STAT5A: variants seen among roughly 807,000 people sequenced by gnomAD.
STAT5A encodes the protein epididymis secretory sperm binding protein.
Under a neutral mutation model 100.2 loss-of-function variants are expected in STAT5A, and 26 were observed. That is an observed-to-expected ratio of 0.26 (90% CI 0.19 to 0.36). STAT5A has a LOEUF of 0.36. STAT5A is among the 10% of genes least tolerant of loss of function. The pLI is 1.00. For synonymous variants in STAT5A, 330 were observed against 424.3 expected, an observed-to-expected ratio of 0.78 and a Z score of 2.73; for missense variants, 634 against 1,027.5, an observed-to-expected ratio of 0.62 and a Z score of 5.24.
chr17:42,295,888 C>T, intron 5 of STAT5A, 95 bp downstream of exon 5: 1 of 1,536,722 alleles, frequency 6.5e-7, no homozygotes, highest in Admixed American at 1.9e-5. Context: ...TGTCCATCTC[C>T]TCAGCACTTT....
chr17:42,287,851 C>T (rs747783664), upstream of STAT5A: 2 of 152,192 alleles, frequency 1.3e-5, no homozygotes, highest in Non-Finnish European at 2.9e-5. Flanking sequence ...CCAGTTCCTC[C>T]GTCAGGGTTG....
In STAT5A at chr17:42,310,979, CCCT is replaced by C. The variant is rs1332381842; in HGVS notation, c.*312_*314del. ...GCAGCCAGACCTATTCCTCCTGGGC[CCCT>C]CATCTGCTCAGCAGCTATTTGAATG... On this transcript the variant is annotated 3_prime_UTR_variant, in exon 19 of 19. Coordinates refer to ENST00000590949, the MANE Select transcript of STAT5A (RefSeq NM_001288718.2). The C allele has an allele frequency of 2.2e-5, 8 of 370,862 alleles. No homozygotes were observed. In the East Asian group the frequency reaches 3.4e-4, roughly 16 times the overall value. The allele number at this position is 370,862 out of a possible 1,614,324, so 23.0% of individuals were successfully genotyped here.
In STAT5A at chr17:42,308,575, G is replaced by A; in HGVS notation, c.2062+242G>A. On this transcript the variant is annotated intron_variant, in intron 16 of 18. Coordinates refer to ENST00000590949, the MANE Select transcript of STAT5A (RefSeq NM_001288718.2). The surrounding 1 kb of genome is among the most constrained non-coding windows in gnomAD (Gnocchi z 4.6). ...GAAAGCTGCATGGATTCTCACTTCTGCACCCTCGGAGGAAGGGGTGGCAGC... is the reference window on the plus strand; with the variant it reads ...GAAAGCTGCATGGATTCTCACTTCTACACCCTCGGAGGAAGGGGTGGCAGC... 5 of 581,380 alleles carry A rather than the reference G, an allele frequency of 8.6e-6. No homozygotes were observed. The African/African-American group carries it at 9.3e-5, about 11-fold the overall frequency. 36.0% of individuals were successfully genotyped at this position (581,380 alleles called of 1,614,324 possible).
chr17:42,308,137 G>C lies in STAT5A; in HGVS notation c.1907-41G>C. The C allele has an allele frequency of 6.2e-7, 1 of 1,605,526 alleles. No homozygotes were observed. On this transcript the variant is annotated intron_variant, in intron 15 of 18. Transcript: ENST00000590949. The surrounding 1 kb of genome is among the most constrained non-coding windows in gnomAD (Gnocchi z 4.6). ...AAAGCCCCACAACCTTGGTCCTCCT[G>C]CTGCTGGTGGATTATGGGAATGAGG...
intron 11 of STAT5A, among the ~76,000 whole-genome samples, chr17:42,305,300 C>T (rs949106981): frequency 2.6e-5 from 4 of 151,904 alleles, no homozygotes; most frequent in African/African-American, 7.3e-5. Flanking sequence ...GTCAGGGGTT[C>T]GAGATCAACC....
chr17:42,289,248 A>G (rs1598352397), intron 1 of STAT5A, 154 bp from the exon 2 acceptor site: 1 of 841,018 alleles, frequency 1.2e-6, no homozygotes, highest in Non-Finnish European at 1.7e-6. Flanking sequence ...TCCACTCCTC[A>G]CCATCTCTGT....
At chr17:42,297,331 C>T (rs906692568) in intron 5 of STAT5A, among the ~76,000 whole-genome samples, 8 of 152,178 alleles carry the variant, frequency 5.3e-5, no homozygotes, top group African/African-American at 9.7e-5. Flanking sequence ...AGAATGGAAA[C>T]GGAAGATTTT....
intron 9 of STAT5A, among the ~76,000 whole-genome samples, chr17:42,303,054 T>C (rs889591677): frequency 6.6e-6 from 1 of 151,618 alleles, no homozygotes; most frequent in Non-Finnish European, 1.5e-5. Flanking sequence ...GAGACCAGCC[T>C]GGCCAACATG....
intron 9 of STAT5A, among the ~76,000 whole-genome samples, chr17:42,302,763 G>A (rs1457337811): frequency 2.0e-5 from 3 of 151,916 alleles, no homozygotes; most frequent in East Asian, 3.9e-4. Flanking sequence ...GTGAAACCCT[G>A]TCTCTACTAA....
intron 18 of STAT5A, 55 bp downstream of exon 18, chr17:42,309,539 G>A: frequency 6.4e-7 from 1 of 1,568,918 alleles, no homozygotes; most frequent in African/African-American, 1.4e-5. Flanking sequence ...TTGGCCCCAG[G>A]CTGGACTCCT....
Position 42,310,535 on chromosome 17 carries a change from G to A in STAT5A, c.2251G>A (p.Glu751Lys). ...TGACCATGTACTCGATCAGGATGGAGAATTCGACCTGGATGAGACCATGGA... is the reference window on the plus strand; with the variant it reads ...TGACCATGTACTCGATCAGGATGGAAAATTCGACCTGGATGAGACCATGGA... ...NPDHVLDQDG[E>K]FDLDETMDVA... The change falls in exon 19 of 19, where the codon GAA becomes AAA. Residue 751 changes from glutamate (E) to lysine (K), a missense_variant. By Grantham distance (56) the Glu-to-Lys change is moderately conservative. Transcript: ENST00000590949. 6.2e-7 allele frequency: 1 copy of A among 1,614,214 alleles called. No individual in the cohort carries two copies. Among genetic ancestry groups the A allele is most frequent in the Non-Finnish European group, 8.5e-7 (1 of 1,180,028 alleles).
At chr17:42,295,541 A>C in intron 4 of STAT5A, 78 bp from the exon 5 acceptor site, 1 of 1,487,790 alleles carries the variant, frequency 6.7e-7, no homozygotes, top group Non-Finnish European at 9.1e-7. Flanking sequence ...TGGGGTCTGT[A>C]GTATTGGTGT....
At position 42,300,795 on chromosome 17, in the gene STAT5A, T is replaced by C; in HGVS notation, c.914T>C (p.Ile305Thr). 1 of 1,612,444 alleles carries C rather than the reference T, an allele frequency of 6.2e-7. No individual in the cohort carries two copies. Among genetic ancestry groups the C allele is most frequent in the Non-Finnish European group, 8.5e-7 (1 of 1,179,294 alleles). ...RAEHLCQQLP[I>T]PGPVEEMLAE... ...GAGCACCTCTGCCAGCAGCTGCCCA[T>C]CCCCGGCCCAGTGGAGGAGATGCTG... Residue 305 changes from isoleucine (I) to threonine (T), a missense_variant, in exon 8 of 19, where the codon ATC becomes ACC. Ile to Thr is a moderately conservative substitution (Grantham distance 89, BLOSUM62 -1). Transcript: ENST00000590949.
intron 4 of STAT5A, 141 bp from the exon 5 acceptor site, chr17:42,295,478 T>A (rs747217517): frequency 2.4e-5 from 20 of 832,504 alleles, no homozygotes; most frequent in South Asian, 1.4e-4. Flanking sequence ...ATGCAAATGA[T>A]CCTTCCTTCT....
In STAT5A at chr17:42,308,292, C is replaced by G. The variant is rs750321108; in HGVS notation, c.2021C>G (p.Pro674Arg). The change falls in exon 16 of 19, where the codon CCC becomes CGC. Residue 674 changes from proline to arginine, a missense_variant. This residue lies in a region of STAT5A where 210 missense variants were observed against 428.4 expected (regional missense o/e 0.49). Transcript: ENST00000590949. This position sits in a 1 kb window ranked among gnomAD's most constrained non-coding sequence, Gnocchi z 4.6. ...CTCATCTATGTGTTTCCTGACCGCC[C>G]CAAGGATGAGGTCTTCTCCAAGTAC... ...SYLIYVFPDRPKDEVFSKYYT... is the reference protein window; with the variant it reads ...SYLIYVFPDRRKDEVFSKYYT... 1 of 1,614,224 alleles carries G rather than the reference C, an allele frequency of 6.2e-7. No homozygotes were observed. Among genetic ancestry groups the G allele is most frequent in the Non-Finnish European group, 8.5e-7 (1 of 1,180,042 alleles).
intron 5 of STAT5A, 83 bp downstream of exon 5, chr17:42,295,876 A>C (rs1334118936): frequency 1.3e-6 from 2 of 1,554,590 alleles, no homozygotes; most frequent in Non-Finnish European, 1.7e-6. Context: ...GAGCTGGGTC[A>C]GTGTCCATCT....
rs190487024 is a variant in STAT5A at position 42,304,192 on chromosome 17, C to T, written c.1170-150C>T. On this transcript the variant is annotated intron_variant, in intron 9 of 18. Coordinates refer to ENST00000590949, the MANE Select transcript of STAT5A (RefSeq NM_001288718.2). This position sits in a 1 kb window ranked among gnomAD's most constrained non-coding sequence, Gnocchi z 4.8. The stretch of plus-strand genomic sequence containing the variant: ...CAGGTTGATGGAGAAGTCAGTAACC[C>T]AGAAAGACGCCAAGAAACACTCTTA... The T allele has an allele frequency of 4.2e-6, 3 of 710,650 alleles. No homozygotes were observed. The highest frequency in any genetic ancestry group is 7.0e-6 in the Non-Finnish European group (3 of 429,028). 44.0% of individuals were successfully genotyped at this position (710,650 alleles called of 1,614,324 possible).
intron 1 of STAT5A, 55 bp from the exon 2 acceptor site, chr17:42,289,347 G>A: frequency 2.0e-6 from 3 of 1,501,250 alleles, no homozygotes; most frequent in Non-Finnish European, 1.8e-6. Flanking sequence ...CCAGGGGCAG[G>A]CCCGGTTCCT....
At position 42,309,007 on chromosome 17, in the gene STAT5A, C is replaced by T. The variant is rs1298987935; in HGVS notation, c.2063-40C>T. The T allele has an allele frequency of 1.9e-6, 3 of 1,613,974 alleles. No homozygotes were observed. In the African/African-American group the frequency reaches 4.0e-5, roughly 22 times the overall value. On this transcript the variant is annotated intron_variant, in intron 16 of 18. Coordinates refer to ENST00000590949, the MANE Select transcript of STAT5A (RefSeq NM_001288718.2). ...GGGCTTCCACCCCACTTGGGAGTTCCCAGAGACTTTGGTTCTCACCACTGT... is the reference window on the plus strand; with the variant it reads ...GGGCTTCCACCCCACTTGGGAGTTCTCAGAGACTTTGGTTCTCACCACTGT...
Sources: gnomAD v4.1 joint callset for allele counts (sites outside exome capture counted in the v4.1 genomes callset) on GRCh38, gnomAD v4.1.1 for gene constraint, gnomAD v4.1.1 regional missense constraint, Gnocchi (gnomAD v3.1) non-coding constraint, MANE v1.5 for transcripts, NCBI Gene and HGNC (gene_info 2026-07-23, HGNC 2026-07-21) for gene names.